Variants in KCNB2 observed in about 807,000 individuals in gnomAD.
The protein encoded by KCNB2 is potassium voltage-gated channel subfamily B member 2.
KCNB2 carries 15 observed loss-of-function variants against 61.5 expected under a neutral mutation model. The ratio of observed to expected loss-of-function variants is 0.24; its 90% CI spans 0.16 to 0.38. KCNB2 has a LOEUF of 0.38. Ranked by LOEUF, KCNB2 falls within the 10% of genes least tolerant of loss-of-function variation. The pLI is 1.00. For missense variants in KCNB2, 828 were observed against 1,125.2 expected, an observed-to-expected ratio of 0.74 and a Z score of 3.78; for synonymous variants, 457 against 446.0, an observed-to-expected ratio of 1.02 and a Z score of -0.31.
At chr8:72,626,727 G>C (rs1332619145) in intron 2 of KCNB2, among the ~76,000 whole-genome samples, 1 of 152,358 alleles carries the variant, frequency 6.6e-6, no homozygotes, top group Admixed American at 6.5e-5. Context: ...AATTCAGGCA[G>C]TCTGGTTGCA....
chr8:72,794,602 T>TATTC (rs1808999148), intron 2 of KCNB2, among the ~76,000 whole-genome samples: 1 of 147,558 alleles, frequency 6.8e-6, no homozygotes, highest in Non-Finnish European at 1.5e-5. Context: ...TGGATGGTGA[T>TATTC]ATTCTTTACC....
At chr8:72,816,465 A>G (rs1809398571) in intron 2 of KCNB2, among the ~76,000 whole-genome samples, 1 of 152,242 alleles carries the variant, frequency 6.6e-6, no homozygotes, top group Admixed American at 6.5e-5. Context: ...CAAACTAAAC[A>G]TATTGTCAAG....
intron 2 of KCNB2, among the ~76,000 whole-genome samples, chr8:72,599,667 G>A (rs923780741): frequency 4.6e-5 from 7 of 152,222 alleles, no homozygotes; most frequent in South Asian, 2.1e-4. Context: ...GCAACCTACA[G>A]GATGGGAGAA....
chr8:72,793,840 C>T (rs931521264), intron 2 of KCNB2, among the ~76,000 whole-genome samples: 2 of 152,222 alleles, frequency 1.3e-5, no homozygotes, highest in Non-Finnish European at 2.9e-5. Context: ...TTCAGTGACA[C>T]AGGAAATCCA....
chr8:72,770,110 C>T (rs1471867893), intron 2 of KCNB2, among the ~76,000 whole-genome samples: 1 of 152,196 alleles, frequency 6.6e-6, no homozygotes, highest in African/African-American at 2.4e-5. Context: ...GCCCTTCAAA[C>T]TATAGGAGCA....
intron 2 of KCNB2, among the ~76,000 whole-genome samples, chr8:72,918,804 C>T (rs1806449016): frequency 6.6e-6 from 1 of 152,132 alleles, no homozygotes; most frequent in African/African-American, 2.4e-5. Flanking sequence ...CATTGGGTTG[C>T]AGTTTTATGT....
chr8:72,687,749 A>G (rs1806874385), intron 2 of KCNB2, among the ~76,000 whole-genome samples: 1 of 152,236 alleles, frequency 6.6e-6, no homozygotes, highest in Admixed American at 6.5e-5. Context: ...GAAAGATAAA[A>G]GAGCCTTGGA....
chr8:72,713,410 C>T (rs190737449), intron 2 of KCNB2, among the ~76,000 whole-genome samples: 38 of 152,314 alleles, frequency 2.5e-4, no homozygotes, highest in Admixed American at 1.7e-3. Flanking sequence ...AGGCACCCCC[C>T]ACTAGGGGCC....
chr8:72,674,670 C>T (rs1806621112), intron 2 of KCNB2, among the ~76,000 whole-genome samples: 1 of 151,958 alleles, frequency 6.6e-6, no homozygotes, highest in Non-Finnish European at 1.5e-5. Flanking sequence ...GCTTTGTAGC[C>T]CTAGTATTTG....
chr8:72,813,381 G>C (rs1809337570), intron 2 of KCNB2, among the ~76,000 whole-genome samples: 1 of 151,808 alleles, frequency 6.6e-6, no homozygotes, highest in South Asian at 2.1e-4. Context: ...AGCTGCCCCT[G>C]GGAGATATGA....
At chr8:72,804,348 T>C (rs1350941895) in intron 2 of KCNB2, among the ~76,000 whole-genome samples, 1 of 152,124 alleles carries the variant, frequency 6.6e-6, no homozygotes, top group Non-Finnish European at 1.5e-5. Flanking sequence ...TGTGATGGAA[T>C]ATGGAGCCTA....
intron 2 of KCNB2, among the ~76,000 whole-genome samples, chr8:72,660,277 G>A (rs1050920846): frequency 3.9e-5 from 6 of 152,158 alleles, no homozygotes; most frequent in Non-Finnish European, 5.9e-5. Context: ...GCAAGTGTCT[G>A]CCAGCGCATG....
chr8:72,577,628 C>T (rs1806819161), intron 2 of KCNB2, among the ~76,000 whole-genome samples: 2 of 152,126 alleles, frequency 1.3e-5, no homozygotes, highest in South Asian at 2.1e-4. Context: ...GTCATTGCCA[C>T]CCTAGATTTC....
At chr8:72,903,959 C>G (rs1048678462) in intron 2 of KCNB2, among the ~76,000 whole-genome samples, 1 of 152,068 alleles carries the variant, frequency 6.6e-6, no homozygotes, top group Admixed American at 6.6e-5. Context: ...GAAATATAAA[C>G]AAATAACCAC....
chr8:72,572,282 C>T (rs997409676), intron 2 of KCNB2, among the ~76,000 whole-genome samples: 28 of 152,242 alleles, frequency 1.8e-4, no homozygotes, highest in Admixed American at 1.4e-3. Flanking sequence ...CGGGCAGTGC[C>T]AGACAACAGG....
chr8:72,804,076 C>G (rs1809175029), intron 2 of KCNB2, among the ~76,000 whole-genome samples: 1 of 152,174 alleles, frequency 6.6e-6, no homozygotes, highest in African/African-American at 2.4e-5. Flanking sequence ...TGAGGACTTG[C>G]AGGCCTTGTA....
At chr8:72,911,404 C>T (rs1806288382) in intron 2 of KCNB2, among the ~76,000 whole-genome samples, 1 of 152,232 alleles carries the variant, frequency 6.6e-6, no homozygotes, top group South Asian at 2.1e-4. Flanking sequence ...GAGAAGCACA[C>T]ACTCCTATAC....
In KCNB2 at chr8:72,555,387, C is replaced by G. The variant is rs535254037; in HGVS notation, c.-93-12255C>G. On this transcript the variant is annotated intron_variant, in intron 1 of 2. Coordinates refer to ENST00000523207, the MANE Select transcript of KCNB2 (RefSeq NM_004770.3). ...TTTCAGATACAACTCTAAGAATATC[C>G]CTACTTTCTAGGAAATGTAAATTTT... Among the ~76,000 whole-genome samples, 3 of 151,610 alleles carry G rather than the reference C, an allele frequency of 2.0e-5. No individual in the cohort carries two copies. The South Asian group carries it at 6.2e-4, about 32-fold the overall frequency.
At chr8:72,898,658 ATT>A (rs902883173) in intron 2 of KCNB2, among the ~76,000 whole-genome samples, 1 of 151,934 alleles carries the variant, frequency 6.6e-6, no homozygotes, top group African/African-American at 2.4e-5. Context: ...GTACTTTTTT[ATT>A]TTTTAATTTC....
Sources: gnomAD v4.1 joint callset for allele counts (sites outside exome capture counted in the v4.1 genomes callset) on GRCh38, gnomAD v4.1.1 for gene constraint, MANE v1.5 for transcripts, NCBI Gene and HGNC (gene_info 2026-07-23, HGNC 2026-07-21) for gene names.